MKNK1: variants seen among roughly 807,000 people sequenced by gnomAD.
The protein encoded by MKNK1 is MAPK interacting serine/threonine kinase 1.
MKNK1 carries 30 observed loss-of-function variants against 49.3 expected under a neutral mutation model. That is an observed-to-expected ratio of 0.61 (90% CI 0.46 to 0.83). The LOEUF (loss-of-function observed/expected upper bound fraction) is 0.83. MKNK1 is among the 40% of genes least tolerant of loss of function. MKNK1 has a pLI of 0.00. For missense variants in MKNK1, 423 were observed against 524.7 expected (o/e 0.81, Z 1.89); for synonymous variants, 176 against 201.7 (o/e 0.87, Z 1.08).
chr1:46,586,078 G>A, intron 2 of MKNK1: 2 of 432,706 alleles, frequency 4.6e-6, no homozygotes, highest in South Asian at 3.7e-5. Context: ...TCACCAAGGG[G>A]TCGCTAGTTG....
rs773965430 is a variant in MKNK1 at position 46,558,815 on chromosome 1, G to GAA, written c.1014-17_1014-16dup. 2 of 1,608,124 alleles carry GAA rather than the reference G, an allele frequency of 1.2e-6. No individual in the cohort carries two copies. The highest frequency in any genetic ancestry group is 2.7e-5 in the African/African-American group (2 of 74,832). On this transcript the variant is annotated splice_polypyrimidine_tract_variant and intron_variant, in intron 12 of 12. Coordinates refer to ENST00000371945, the MANE Select transcript of MKNK1 (RefSeq NM_001135553.4). ...TGCTGCTGTTCCTGCAGGGCCAGGG[G>GAA]AAAGCACAGAAAAGAGGGTCAGGAC...
intron 2 of MKNK1, among the ~76,000 whole-genome samples, chr1:46,591,526 G>A (rs1396851012): frequency 6.6e-6 from 1 of 152,128 alleles, no homozygotes; most frequent in African/African-American, 2.4e-5. Context: ...TGGAAGGGGA[G>A]AATGAAGTGT....
chr1:46,599,104 A>G (rs982587979), intron 1 of MKNK1, among the ~76,000 whole-genome samples: 5 of 152,028 alleles, frequency 3.3e-5, no homozygotes, highest in African/African-American at 1.2e-4. Flanking sequence ...TCCCCAGATC[A>G]GCTGTGGCTC....
chr1:46,593,906 C>T, intron 2 of MKNK1: 1 of 403,810 alleles, frequency 2.5e-6, no homozygotes, highest in Non-Finnish European at 4.5e-6. Flanking sequence ...TACATGTTTT[C>T]CTTATGACCC....
intron 4 of MKNK1, among the ~76,000 whole-genome samples, chr1:46,578,586 ATTTTTT>A (rs71817045): frequency 1.4e-5 from 2 of 138,346 alleles, no homozygotes; most frequent in African/African-American, 5.5e-5. Context: ...AGATATATCA[ATTTTTT>A]TTTTTTTTTT....
chr1:46,567,243 A>T (rs1307585233), intron 8 of MKNK1, among the ~76,000 whole-genome samples: 1 of 152,080 alleles, frequency 6.6e-6, no homozygotes, highest in Non-Finnish European at 1.5e-5. Context: ...GCCTGGTCCC[A>T]ATTATTCCTC....
At chr1:46,586,571 A>C (rs1020417208) in intron 2 of MKNK1, among the ~76,000 whole-genome samples, 2 of 152,142 alleles carry the variant, frequency 1.3e-5, no homozygotes, top group African/African-American at 4.8e-5. Flanking sequence ...AGCCATCAGA[A>C]ATTGCACTGA....
At chr1:46,601,972 C>A (rs1327273069) in intron 1 of MKNK1, among the ~76,000 whole-genome samples, 5 of 152,130 alleles carry the variant, frequency 3.3e-5, no homozygotes, top group Non-Finnish European at 7.3e-5. Context: ...AACAACTAAT[C>A]CAGCAGAAGG....
At chr1:46,571,367 G>A (rs933651814) in intron 7 of MKNK1, 2 of 270,414 alleles carry the variant, frequency 7.4e-6, no homozygotes, top group Admixed American at 5.1e-5. Context: ...AACAGAGGGA[G>A]ACCCCATCTC....
intron 1 of MKNK1, among the ~76,000 whole-genome samples, chr1:46,598,942 C>T (rs998340895): frequency 6.6e-6 from 1 of 152,206 alleles, no homozygotes; most frequent in Non-Finnish European, 1.5e-5. Context: ...CTCTGATTAT[C>T]AGCATCTATA....
chr1:46,584,346 C>T (rs1379598800), intron 2 of MKNK1, among the ~76,000 whole-genome samples: 5 of 152,150 alleles, frequency 3.3e-5, no homozygotes, highest in South Asian at 4.1e-4. Context: ...AAGATTTCTC[C>T]GAAGTCTCTG....
chr1:46,599,455 G>A (rs1381087789), intron 1 of MKNK1, among the ~76,000 whole-genome samples: 1 of 152,186 alleles, frequency 6.6e-6, no homozygotes, highest in Non-Finnish European at 1.5e-5. Flanking sequence ...GCTAAGGATG[G>A]CAATGCACTG....
intron 2 of MKNK1, among the ~76,000 whole-genome samples, chr1:46,590,281 C>G (rs1285526847): frequency 6.6e-6 from 1 of 152,130 alleles, no homozygotes; most frequent in Non-Finnish European, 1.5e-5. Flanking sequence ...TGAGGGGGTA[C>G]CTGGGGAGAC....
chr1:46,575,064 G>T, intron 5 of MKNK1, 44 bp from the exon 6 acceptor site: 4 of 1,272,446 alleles, frequency 3.1e-6, no homozygotes, highest in Non-Finnish European at 4.5e-6. Context: ...GGGGGAAATG[G>T]TATTATATAT....
In MKNK1 at chr1:46,599,459, T is replaced by C. The variant is rs111946685; in HGVS notation, c.-171+4726A>G. ...AGATTCTACTAGCTAAGGATGGCAATGCACTGATTTATGGCACTGTGGGTG... is the reference window on the plus strand; with the variant it reads ...AGATTCTACTAGCTAAGGATGGCAACGCACTGATTTATGGCACTGTGGGTG... On this transcript the variant is annotated intron_variant, in intron 1 of 12. Coordinates refer to ENST00000371945, the MANE Select transcript of MKNK1 (RefSeq NM_001135553.4). Among the ~76,000 whole-genome samples the C allele has an allele frequency of 4.6e-5, 7 of 152,300 alleles. No homozygotes were observed. In the South Asian group the frequency reaches 8.3e-4, roughly 18 times the overall value.
rs1481709967 is a variant in MKNK1, at chr1:46,558,405, A to AC, written c.*169dup. 35 of 640,680 alleles carry AC rather than the reference A, an allele frequency of 5.5e-5. No homozygotes were observed. Among genetic ancestry groups the AC allele is most frequent in the Non-Finnish European group, 8.4e-5 (33 of 391,306 alleles). 39.7% of individuals were successfully genotyped at this position (640,680 alleles called of 1,614,324 possible). ...TTTGGAAAAAGCTTTTTCCTCCAGGACCCTAGGGAAATGGGGGTTGATGGG... is the reference window on the plus strand; with the variant it reads ...TTTGGAAAAAGCTTTTTCCTCCAGGACCCCTAGGGAAATGGGGGTTGATGGG... On this transcript the variant is annotated 3_prime_UTR_variant, in exon 13 of 13. Coordinates refer to ENST00000371945, the MANE Select transcript of MKNK1 (RefSeq NM_001135553.4).
intron 8 of MKNK1, among the ~76,000 whole-genome samples, chr1:46,566,539 T>C (rs1669098958): frequency 6.6e-6 from 1 of 152,252 alleles, no homozygotes; most frequent in African/African-American, 2.4e-5. Context: ...GGTAATTCTG[T>C]GTTTAGCCTT....
At chr1:46,562,483 T>C (rs559764189) in intron 10 of MKNK1, among the ~76,000 whole-genome samples, 166 bp downstream of exon 10, 4 of 149,964 alleles carry the variant, frequency 2.7e-5, no homozygotes, top group South Asian at 4.3e-4. Flanking sequence ...GCGGAGTGTC[T>C]GATTATCTCT....
Position 46,583,338 on chromosome 1 carries a change from T to C in MKNK1, c.-2-9A>G. 1.2e-6 allele frequency: 2 copies of C among 1,601,158 alleles called. No individual in the cohort carries two copies. The highest frequency in any genetic ancestry group is 1.7e-6 in the Non-Finnish European group (2 of 1,169,208). ...TTCGCTACTGCCCATCTCTAGGAGATAAGAGGAGATGTAAGGGAAACATCA... is the reference window on the plus strand; with the variant it reads ...TTCGCTACTGCCCATCTCTAGGAGACAAGAGGAGATGTAAGGGAAACATCA... On this transcript the variant is annotated splice_polypyrimidine_tract_variant and intron_variant, in intron 2 of 12. Transcript: ENST00000371945.
Sources: allele counts gnomAD v4.1 joint callset (sites outside exome capture counted in the v4.1 genomes callset), GRCh38; gene constraint gnomAD v4.1.1; transcripts MANE v1.5; gene names NCBI Gene and HGNC (gene_info 2026-07-23, HGNC 2026-07-21).